TMEM163: variants seen among roughly 807,000 people sequenced by gnomAD.
TMEM163 encodes the protein transmembrane protein 163.
In TMEM163, 17 loss-of-function variants were observed where a neutral mutation model predicts 29.3. The observed-to-expected ratio is 0.58, with a 90% CI of 0.40 to 0.87. TMEM163 has a LOEUF of 0.87. Ranked by LOEUF, TMEM163 falls within the 40% of genes least tolerant of loss-of-function variation. The probability of loss-of-function intolerance (pLI) is 0.00; values close to 1 mark genes in which losing one functional copy is unlikely to be tolerated. For missense variants in TMEM163, 303 were observed against 381.5 expected (o/e 0.79, Z 1.71); for synonymous variants, 157 against 160.6 (o/e 0.98, Z 0.17).
rs114353814 is a variant in TMEM163, at chr2:134,669,795, G to A, written c.322+43405C>T. Among the ~76,000 whole-genome samples the A allele has an allele frequency of 2.9e-3, 439 of 152,292 alleles. 3 individuals carry two copies. The highest frequency in any genetic ancestry group is 9.8e-3 in the African/African-American group (406 of 41,570). On this transcript the variant is annotated intron_variant, in intron 2 of 7. Coordinates refer to ENST00000281924, the MANE Select transcript of TMEM163 (RefSeq NM_030923.5). ...AGAGCCCAGAGCCATCACTGAAGAC[G>A]TCTGGCAACTGCAAGGCCACCATGC...
chr2:134,478,674 A>G (rs1686974790), intron 5 of TMEM163, among the ~76,000 whole-genome samples: 1 of 152,216 alleles, frequency 6.6e-6, no homozygotes, highest in African/African-American at 2.4e-5. Flanking sequence ...GCAGAGTGTT[A>G]AAAGTTTGCA....
At chr2:134,655,741 T>TC (rs1326467074) in intron 2 of TMEM163, among the ~76,000 whole-genome samples, 1 of 142,210 alleles carries the variant, frequency 7.0e-6, no homozygotes, top group Non-Finnish European at 1.5e-5. Context: ...GGATGTCCTT[T>TC]CTGTTTGTTA....
chr2:134,472,635 G>A (rs567489838), intron 5 of TMEM163, among the ~76,000 whole-genome samples: 3 of 152,214 alleles, frequency 2.0e-5, no homozygotes, highest in African/African-American at 7.2e-5. Context: ...TGCAAATGAC[G>A]GCACATATGG....
intron 2 of TMEM163, among the ~76,000 whole-genome samples, chr2:134,700,239 G>A (rs1245184495): frequency 6.6e-6 from 1 of 152,136 alleles, no homozygotes; most frequent in Non-Finnish European, 1.5e-5. Flanking sequence ...GATTTGAAAG[G>A]TATGTACCCC....
At chr2:134,632,942 T>C (rs1380721560) in intron 2 of TMEM163, among the ~76,000 whole-genome samples, 5 of 143,584 alleles carry the variant, frequency 3.5e-5, no homozygotes, top group African/African-American at 1.3e-4. Context: ...GTATTTTTAG[T>C]AGAGACAAGG....
In TMEM163 at chr2:134,458,084, C is replaced by T; in HGVS notation, c.757G>A (p.Asp253Asn). 1 of 1,614,208 alleles carries T rather than the reference C, an allele frequency of 6.2e-7. No homozygotes were observed. The highest frequency in any genetic ancestry group is 8.5e-7 in the Non-Finnish European group (1 of 1,180,026). Residue 253 changes from aspartate to asparagine, a missense_variant, in exon 7 of 8, where the codon GAC becomes AAC. Asp to Asn is a conservative substitution (Grantham distance 23). This residue lies in a region of TMEM163 where 203 missense variants were observed against 294.3 expected (regional missense o/e 0.69). Coordinates refer to ENST00000281924, the MANE Select transcript of TMEM163 (RefSeq NM_030923.5). ...FKHDSAVWYL[D>N]GSIGVLIGLT... Reference sequence around the variant, plus strand: ...CCGATCAGAACGCCTATGCTGCCGTCCAGGTACCAGACCGCCGAGTCATGC... The same window carrying T: ...CCGATCAGAACGCCTATGCTGCCGTTCAGGTACCAGACCGCCGAGTCATGC...
intron 2 of TMEM163, among the ~76,000 whole-genome samples, chr2:134,567,163 G>A (rs1016311079): frequency 6.6e-6 from 1 of 152,070 alleles, no homozygotes; most frequent in African/African-American, 2.4e-5. Context: ...TTTCTGAGGC[G>A]GGAGATAGGG....
At chr2:134,587,272 T>C (rs144387695) in intron 2 of TMEM163, among the ~76,000 whole-genome samples, 7,796 of 152,004 alleles carry the variant, frequency 0.051, 328 homozygotes, top group African/African-American at 0.11. Flanking sequence ...ATTAGCTAGG[T>C]ATGGTGGCAC....
chr2:134,508,620 C>T (rs532397547), intron 4 of TMEM163, among the ~76,000 whole-genome samples: 3 of 152,274 alleles, frequency 2.0e-5, no homozygotes, highest in South Asian at 2.1e-4. Flanking sequence ...GAAGCCAAAC[C>T]GGCACCATCT....
intron 2 of TMEM163, among the ~76,000 whole-genome samples, chr2:134,701,764 A>C (rs1055792607): frequency 6.6e-6 from 1 of 152,042 alleles, no homozygotes; most frequent in African/African-American, 2.4e-5. Context: ...CTAAAAATAT[A>C]AAAATTAGCC....
At chr2:134,592,418 G>A (rs1450153099) in intron 2 of TMEM163, among the ~76,000 whole-genome samples, 1 of 152,124 alleles carries the variant, frequency 6.6e-6, no homozygotes, top group Non-Finnish European at 1.5e-5. Flanking sequence ...TATATTTTGG[G>A]TTAAAATATT....
At chr2:134,457,734 G>A (rs1686431556) in intron 7 of TMEM163, among the ~76,000 whole-genome samples, 1 of 152,236 alleles carries the variant, frequency 6.6e-6, no homozygotes, top group African/African-American at 2.4e-5. Flanking sequence ...CTGTCAGAGA[G>A]GAAGGAGCAT....
rs552200604 is a variant in TMEM163 at position 134,506,992 on chromosome 2, G to GGA, written c.459-3997_459-3996dup. On this transcript the variant is annotated intron_variant, in intron 4 of 7. Coordinates refer to ENST00000281924, the MANE Select transcript of TMEM163 (RefSeq NM_030923.5). ...ACTTCATGGATCAGAAAGAGGCAAG[G>GGA]GAGATGTACCCCTTCAGCATAATCC... is the stretch of plus-strand genomic sequence containing the variant. Among the ~76,000 whole-genome samples, 90 of 152,188 alleles carry GGA rather than the reference G, an allele frequency of 5.9e-4. 1 individual carries two copies. The highest frequency in any genetic ancestry group is 2.0e-3 in the African/African-American group (84 of 41,514).
chr2:134,484,758 G>A (rs1211974995), intron 5 of TMEM163, among the ~76,000 whole-genome samples: 1 of 152,176 alleles, frequency 6.6e-6, no homozygotes, highest in Non-Finnish European at 1.5e-5. Context: ...ACTATACTGG[G>A]AAGAGGGGTA....
chr2:134,608,557 C>T (rs1407250263), intron 2 of TMEM163, among the ~76,000 whole-genome samples: 6 of 38,828 alleles, frequency 1.5e-4, no homozygotes, highest in Non-Finnish European at 3.3e-4. Context: ...AAGGACAGAC[C>T]CCGAGAACTG....
At chr2:134,694,698 G>T (rs1684541142) in intron 2 of TMEM163, among the ~76,000 whole-genome samples, 4 of 152,160 alleles carry the variant, frequency 2.6e-5, no homozygotes, top group Admixed American at 2.0e-4. Context: ...TCACACTGAA[G>T]AATAACCTGG....
intron 4 of TMEM163, among the ~76,000 whole-genome samples, chr2:134,507,208 T>C (rs770670011): frequency 6.6e-6 from 1 of 152,058 alleles, no homozygotes; most frequent in Non-Finnish European, 1.5e-5. Flanking sequence ...TGGTGGTGTA[T>C]GCCTGTAATC....
At chr2:134,656,466 A>G (rs992128213) in intron 2 of TMEM163, among the ~76,000 whole-genome samples, 48 of 152,034 alleles carry the variant, frequency 3.2e-4, no homozygotes, top group Admixed American at 2.5e-3. Flanking sequence ...CTAGTGAGAG[A>G]AACCCGGTAC....
intron 2 of TMEM163, among the ~76,000 whole-genome samples, chr2:134,580,156 A>G (rs1681659147): frequency 1.3e-5 from 2 of 152,222 alleles, no homozygotes; most frequent in African/African-American, 4.8e-5. Context: ...TTAAATTGAG[A>G]CGATGTATTT....
Sources: gnomAD v4.1 joint callset for allele counts (sites outside exome capture counted in the v4.1 genomes callset) on GRCh38, gnomAD v4.1.1 for gene constraint, gnomAD v4.1.1 regional missense constraint, MANE v1.5 for transcripts, NCBI Gene and HGNC (gene_info 2026-07-23, HGNC 2026-07-21) for gene names.